Variants in INPP5A observed in about 807,000 individuals in gnomAD.
INPP5A encodes the protein 43 kDa inositol polyphosphate 5-phophatase.
A neutral mutation model predicts 65.2 loss-of-function variants in INPP5A; 14 were observed. That is an observed-to-expected ratio of 0.21 (90% confidence interval 0.14 to 0.34). The LOEUF is 0.34. INPP5A is among the 10% of genes least tolerant of loss of function. INPP5A has a pLI of 1.00. For synonymous variants in INPP5A, 207 were observed against 208.3 expected, an observed-to-expected ratio of 0.99 and a Z score of 0.05; for missense variants, 431 against 545.6, an observed-to-expected ratio of 0.79 and a Z score of 2.09.
chr10:132,558,414 T>G (rs2071157375), intron 1 of INPP5A, among the ~76,000 whole-genome samples: 1 of 152,206 alleles, frequency 6.6e-6, no homozygotes, highest in South Asian at 2.1e-4. Flanking sequence ...CCCTGACAGC[T>G]GCATGGTGTG....
intron 4 of INPP5A, among the ~76,000 whole-genome samples, chr10:132,668,848 G>A (rs1219052881): frequency 6.6e-6 from 1 of 152,114 alleles, no homozygotes; most frequent in Non-Finnish European, 1.5e-5. Flanking sequence ...GAGCTCCATC[G>A]CACGACCACC....
intron 12 of INPP5A, among the ~76,000 whole-genome samples, chr10:132,770,185 C>A (rs141503654): frequency 4.6e-5 from 7 of 152,266 alleles, no homozygotes; most frequent in Non-Finnish European, 7.4e-5. Context: ...AGGATGCTAT[C>A]GTCTCCTCTG....
At chr10:132,658,861 C>T (rs891825149) in intron 4 of INPP5A, among the ~76,000 whole-genome samples, 1 of 152,044 alleles carries the variant, frequency 6.6e-6, no homozygotes, top group Non-Finnish European at 1.5e-5. Context: ...CCGCCGGCTG[C>T]TCCCGGTGGC....
chr10:132,581,808 A>C (rs1423099300), intron 1 of INPP5A, among the ~76,000 whole-genome samples: 1 of 150,922 alleles, frequency 6.6e-6, no homozygotes, highest in Non-Finnish European at 1.5e-5. Flanking sequence ...ATATTTTGTG[A>C]TACTTTCCCC....
Position 132,674,284 on chromosome 10 carries a change from A to G in INPP5A, c.307-16108A>G, listed in dbSNP as rs1276352289. ...CCAAACCATTGGCTACGGCCCATGAATCAGTATATAATCACACATCTGGCC... is the reference window on the plus strand; with the variant it reads ...CCAAACCATTGGCTACGGCCCATGAGTCAGTATATAATCACACATCTGGCC... On this transcript the variant is annotated intron_variant, in intron 4 of 15. Coordinates refer to ENST00000368594, the MANE Select transcript of INPP5A (RefSeq NM_005539.5). This position sits in a 1 kb window ranked among gnomAD's most constrained non-coding sequence, Gnocchi z 4.4. Among the ~76,000 whole-genome samples the G allele has an allele frequency of 6.6e-6, 1 of 152,200 alleles. No homozygotes were observed. The highest frequency in any genetic ancestry group is 1.5e-5 in the Non-Finnish European group (1 of 68,040).
chr10:132,579,494 G>A (rs1220730709), intron 1 of INPP5A, among the ~76,000 whole-genome samples: 2 of 152,288 alleles, frequency 1.3e-5, no homozygotes, highest in East Asian at 3.9e-4. Flanking sequence ...GCCAAGGAGT[G>A]GACTCTGGGC....
chr10:132,710,268 T>C, intron 7 of INPP5A, 69 bp from the exon 8 acceptor site: 4 of 1,567,868 alleles, frequency 2.6e-6, no homozygotes, highest in Non-Finnish European at 3.5e-6. Flanking sequence ...CGGGGACTCC[T>C]TGGGAGAACG....
Position 132,592,164 on chromosome 10 carries a change from C to A in INPP5A, c.76-15751C>A, listed in dbSNP as rs545754069. On this transcript the variant is annotated intron_variant, in intron 1 of 15. Coordinates refer to ENST00000368594, the MANE Select transcript of INPP5A (RefSeq NM_005539.5). The stretch of plus-strand genomic sequence containing the variant: ...TTATTGAATAAAATACAGAAAAAAA[C>A]CCCAGAAAGACAGCAAATTAAGGAA... Among the ~76,000 whole-genome samples the A allele has an allele frequency of 3.1e-4, 47 of 152,010 alleles. 1 individual carries two copies. The highest frequency in any genetic ancestry group is 2.3e-3 in the East Asian group (12 of 5,160).
intron 1 of INPP5A, among the ~76,000 whole-genome samples, chr10:132,542,252 C>T (rs927352855): frequency 1.3e-5 from 2 of 152,230 alleles, no homozygotes; most frequent in Non-Finnish European, 2.9e-5. Flanking sequence ...GCAGCCCTGT[C>T]CCTCTGCCCA....
At chr10:132,646,453 G>A (rs2072496119) in intron 3 of INPP5A, among the ~76,000 whole-genome samples, 1 of 152,180 alleles carries the variant, frequency 6.6e-6, no homozygotes, top group South Asian at 2.1e-4. Flanking sequence ...GCCCAACTGG[G>A]TCCTGCCTGG....
At chr10:132,748,999 A>G (rs568900386) in intron 9 of INPP5A, among the ~76,000 whole-genome samples, 106 of 152,328 alleles carry the variant, frequency 7.0e-4, no homozygotes, top group Middle Eastern at 3.4e-3. Context: ...TTAACACCAC[A>G]AAGCAGGCGT....
chr10:132,714,671 C>A (rs1189388286), intron 8 of INPP5A, among the ~76,000 whole-genome samples: 2 of 152,142 alleles, frequency 1.3e-5, no homozygotes, highest in Non-Finnish European at 2.9e-5. Flanking sequence ...CACCGTAGGA[C>A]CTTCGCACCG....
chr10:132,691,076 G>T (rs1224465821), intron 5 of INPP5A, among the ~76,000 whole-genome samples: 1 of 152,226 alleles, frequency 6.6e-6, no homozygotes, highest in East Asian at 1.9e-4. Context: ...TGACATCCAT[G>T]TGAAGTGCCC....
At chr10:132,724,479 C>T (rs1387332854) in intron 8 of INPP5A, among the ~76,000 whole-genome samples, 3 of 152,356 alleles carry the variant, frequency 2.0e-5, no homozygotes, top group East Asian at 1.9e-4. Flanking sequence ...GAAATTAAAA[C>T]TTTTGCCTGA....
chr10:132,701,834 C>T (rs1263421030), intron 6 of INPP5A, among the ~76,000 whole-genome samples: 5 of 152,360 alleles, frequency 3.3e-5, no homozygotes, highest in Non-Finnish European at 7.3e-5. Flanking sequence ...GACTTCAGTG[C>T]AGGAATTGGG....
At chr10:132,596,876 TGC>T (rs1410424078) in intron 1 of INPP5A, among the ~76,000 whole-genome samples, 1 of 146,926 alleles carries the variant, frequency 6.8e-6, no homozygotes, top group African/African-American at 2.5e-5. Flanking sequence ...TGCATGTGTG[TGC>T]ATGCACGTGT....
At chr10:132,756,200 TGC>T (rs944245681) in intron 11 of INPP5A, among the ~76,000 whole-genome samples, 25 of 152,260 alleles carry the variant, frequency 1.6e-4, no homozygotes, top group East Asian at 1.5e-3. Flanking sequence ...CATATGTGTG[TGC>T]GTGTACATGT....
intron 4 of INPP5A, among the ~76,000 whole-genome samples, chr10:132,688,062 C>T (rs1259613786): frequency 1.3e-5 from 2 of 152,200 alleles, no homozygotes; most frequent in Admixed American, 1.3e-4. Flanking sequence ...GCACTGCACA[C>T]GCCCTAGGAG....
chr10:132,691,709 TGAG>T (rs1363956901), intron 5 of INPP5A, among the ~76,000 whole-genome samples: 1 of 152,030 alleles, frequency 6.6e-6, no homozygotes, highest in African/African-American at 2.4e-5. Flanking sequence ...AAGAACAACA[TGAG>T]GAGTGGGCAG....
Sources: allele counts gnomAD v4.1 joint callset (sites outside exome capture counted in the v4.1 genomes callset), GRCh38; gene constraint gnomAD v4.1.1; non-coding constraint Gnocchi (gnomAD v3.1); transcripts MANE v1.5; gene names NCBI Gene and HGNC (gene_info 2026-07-23, HGNC 2026-07-21).